The following FANCC variants were observed in gnomAD, a reference collection of about 807,000 sequenced individuals.
The protein encoded by FANCC is FA complementation group C.
FANCC carries 55 observed loss-of-function variants against 71.3 expected under a neutral mutation model. The observed-to-expected ratio is 0.77, with a 90% CI of 0.62 to 0.97. The LOEUF (loss-of-function observed/expected upper bound fraction) is 0.97, where lower values mean the gene tolerates loss of function less well. FANCC is among the 50% of genes least tolerant of loss of function. The pLI is 0.00. For missense variants in FANCC, 678 were observed against 670.9 expected (o/e 1.01, Z -0.12); for synonymous variants, 275 against 244.9 (o/e 1.12, Z -1.15).
At chr9:95,232,323 G>A (rs1430943395) in intron 4 of FANCC, among the ~76,000 whole-genome samples, 2 of 152,076 alleles carry the variant, frequency 1.3e-5, no homozygotes, top group Non-Finnish European at 2.9e-5. Context: ...ATGAGTTTTG[G>A]GTGGGACACA....
chr9:95,131,375 A>G (rs1005392600), intron 8 of FANCC, among the ~76,000 whole-genome samples: 22 of 152,218 alleles, frequency 1.4e-4, no homozygotes, highest in African/African-American at 5.3e-4. Context: ...CTGAGTGGCA[A>G]TGACCCCTAC....
Position 95,100,142 on chromosome 9 carries a change from C to A in FANCC, c.*1565G>T. On this transcript the variant is annotated 3_prime_UTR_variant, in exon 15 of 15. Transcript: ENST00000289081. The stretch of plus-strand genomic sequence containing the variant: ...GAAGCATGCAGCTCCTTTTTCAACC[C>A]CAACACCTCTGACGAAGCATGTTTG... The A allele has an allele frequency of 4.3e-6, 1 of 232,808 alleles. No homozygotes were observed. 14.4% of individuals were successfully genotyped at this position (232,808 alleles called of 1,614,324 possible).
chr9:95,114,383 G>A (rs928929223), intron 12 of FANCC: 11 of 554,626 alleles, frequency 2.0e-5, no homozygotes, highest in African/African-American at 1.5e-4. Flanking sequence ...AGACGTTAAT[G>A]TAGAAAACAT....
chr9:95,218,725 T>C (rs572104245), intron 4 of FANCC, among the ~76,000 whole-genome samples: 116 of 152,280 alleles, frequency 7.6e-4, no homozygotes, highest in African/African-American at 2.6e-3. Context: ...ATCATCTCAA[T>C]AGATGCAGAA....
At chr9:95,233,953 G>A (rs1269942593) in intron 4 of FANCC, among the ~76,000 whole-genome samples, 2 of 152,198 alleles carry the variant, frequency 1.3e-5, no homozygotes, top group Non-Finnish European at 2.9e-5. Context: ...GGGCTGGCAG[G>A]AGCCCTCCGG....
At chr9:95,106,927 C>T (rs2071495519) in intron 14 of FANCC, 139 bp downstream of exon 14, 9 of 838,726 alleles carry the variant, frequency 1.1e-5, no homozygotes, top group Non-Finnish European at 1.6e-5. Context: ...TCCCAGCTGT[C>T]AACCTCCTTG....
At chr9:95,314,844 T>G (rs1160070921) in intron 1 of FANCC, among the ~76,000 whole-genome samples, 2 of 150,632 alleles carry the variant, frequency 1.3e-5, no homozygotes, top group African/African-American at 2.4e-5. Flanking sequence ...TGGAAAGAGA[T>G]TCCATGTTCA....
At chr9:95,156,388 A>G (rs1185531685) in intron 6 of FANCC, among the ~76,000 whole-genome samples, 1 of 152,234 alleles carries the variant, frequency 6.6e-6, no homozygotes, top group African/African-American at 2.4e-5. Flanking sequence ...CACATCCGAT[A>G]CATTCCTAAT....
At position 95,272,100 on chromosome 9, in the gene FANCC, C is replaced by A. The variant is rs148511585; in HGVS notation, c.-78-22731G>T. ...TACAGGCACCCGCCACCACGCCTGG[C>A]TAAATTTTTTTGTATTTTTAGTAGA... On this transcript the variant is annotated intron_variant, in intron 1 of 14. Coordinates refer to ENST00000289081, the MANE Select transcript of FANCC (RefSeq NM_000136.3). Among the ~76,000 whole-genome samples, 712 of 151,488 alleles carry A rather than the reference C, an allele frequency of 4.7e-3. 14 individuals are homozygous for A. The highest frequency in any genetic ancestry group is 0.028 in the Admixed American group (425 of 15,232).
chr9:95,313,145 A>G (rs1835511289), intron 1 of FANCC, among the ~76,000 whole-genome samples: 1 of 152,182 alleles, frequency 6.6e-6, no homozygotes, highest in Non-Finnish European at 1.5e-5. Context: ...AGCGCTGGAG[A>G]CGTGCACACG....
At position 95,240,182 on chromosome 9, in the gene FANCC, T is replaced by C. The variant is rs184335724; in HGVS notation, c.345+467A>G. On this transcript the variant is annotated intron_variant, in intron 4 of 14. Coordinates refer to ENST00000289081, the MANE Select transcript of FANCC (RefSeq NM_000136.3). ...GCAGCACCAAGATCCAGTCTGTGCATATGCTGGCTCAGGCACCAACTTCGG... is the reference window on the plus strand; with the variant it reads ...GCAGCACCAAGATCCAGTCTGTGCACATGCTGGCTCAGGCACCAACTTCGG... Among the ~76,000 whole-genome samples the C allele has an allele frequency of 2.0e-5, 3 of 152,330 alleles. No homozygotes were observed. In the East Asian group the frequency reaches 5.8e-4, roughly 29 times the overall value.
chr9:95,197,814 GC>G (rs1231577138), intron 4 of FANCC, among the ~76,000 whole-genome samples: 1 of 152,164 alleles, frequency 6.6e-6, no homozygotes, highest in African/African-American at 2.4e-5. Context: ...CAGGCAGAAG[GC>G]CAAGAAACAA....
chr9:95,181,001 CTT>C (rs1306632761), intron 4 of FANCC, among the ~76,000 whole-genome samples: 2 of 152,066 alleles, frequency 1.3e-5, no homozygotes, highest in Non-Finnish European at 2.9e-5. Context: ...CACGAGCTGA[CTT>C]TAACATATAA....
intron 11 of FANCC, 27 bp from the exon 12 acceptor site, chr9:95,114,737 G>C: frequency 6.3e-7 from 1 of 1,598,144 alleles, no homozygotes; most frequent in Non-Finnish European, 8.6e-7. Context: ...ATACGTCAGA[G>C]GGCAACTGAG....
chr9:95,222,680 CAAT>C (rs1377027499), intron 4 of FANCC, among the ~76,000 whole-genome samples: 1 of 152,058 alleles, frequency 6.6e-6, no homozygotes, highest in Non-Finnish European at 1.5e-5. Context: ...TAATATAACA[CAAT>C]AATACATTGC....
chr9:95,245,268 G>T (rs1830891936), intron 3 of FANCC, among the ~76,000 whole-genome samples: 1 of 151,970 alleles, frequency 6.6e-6, no homozygotes, highest in Non-Finnish European at 1.5e-5. Context: ...AAGCATCAAG[G>T]GTTATGAAAT....
intron 6 of FANCC, among the ~76,000 whole-genome samples, chr9:95,170,548 ATC>A (rs1167255203): frequency 6.6e-6 from 1 of 151,726 alleles, no homozygotes; most frequent in East Asian, 1.9e-4. Flanking sequence ...ATTTGTCTGA[ATC>A]TCTTTGATTT....
At chr9:95,217,246 G>A (rs1275283727) in intron 4 of FANCC, among the ~76,000 whole-genome samples, 3 of 152,152 alleles carry the variant, frequency 2.0e-5, no homozygotes, top group Admixed American at 6.5e-5. Context: ...AGCACTTTGG[G>A]AGGCCGAGGT....
intron 1 of FANCC, among the ~76,000 whole-genome samples, chr9:95,252,128 A>T (rs1234196118): frequency 6.6e-6 from 1 of 151,912 alleles, no homozygotes; most frequent in Non-Finnish European, 1.5e-5. Context: ...AAATAACAAA[A>T]ATTAGCTGGG....
Sources: gnomAD v4.1 joint callset for allele counts (sites outside exome capture counted in the v4.1 genomes callset) on GRCh38, gnomAD v4.1.1 for gene constraint, MANE v1.5 for transcripts, NCBI Gene and HGNC (gene_info 2026-07-23, HGNC 2026-07-21) for gene names.